MASP2: variants seen among roughly 807,000 people sequenced by gnomAD.
MASP2 encodes MBL associated serine protease 2.
In MASP2, 49 loss-of-function variants were observed where a neutral mutation model predicts 57.1. The observed-to-expected ratio is 0.86, with a 90% CI of 0.68 to 1.09. MASP2 has a LOEUF of 1.09. Ranked by LOEUF, MASP2 falls within the 50% of genes least tolerant of loss-of-function variation. The pLI is 0.00. For synonymous variants in MASP2, 379 were observed against 340.8 expected, an observed-to-expected ratio of 1.11 and a Z score of -1.24; for missense variants, 900 against 874.8, an observed-to-expected ratio of 1.03 and a Z score of -0.36.
chr1:11,045,172 A>AG (rs986378941), intron 4 of MASP2: 1 of 762,080 alleles, frequency 1.3e-6, no homozygotes, highest in Non-Finnish European at 2.3e-6. Context: ...AGGTGGAACC[A>AG]GGTACACAGT....
chr1:11,027,309 C>T lies in MASP2; in HGVS notation c.1637G>A (p.Ser546Asn). The change falls in exon 11 of 11, where the codon AGC becomes AAC. Residue 546 changes from serine (S) to asparagine (N), a missense_variant. Physicochemically the swap from Ser to Asn is conservative, Grantham distance 46. Coordinates refer to ENST00000400897, the MANE Select transcript of MASP2 (RefSeq NM_006610.4). ...TGGCAGACAAATAGGCGTGATGTTGCTATTGATTACAACTTTGTTATTCAA... is the reference window on the plus strand; with the variant it reads ...TGGCAGACAAATAGGCGTGATGTTGTTATTGATTACAACTTTGTTATTCAA... ...IKLNNKVVIN[S>N]NITPICLPRK... 1.2e-6 allele frequency: 2 copies of T among 1,613,924 alleles called. No individual in the cohort carries two copies. Among genetic ancestry groups the T allele is most frequent in the African/African-American group, 1.3e-5 (1 of 75,032 alleles).
In MASP2 at chr1:11,047,010, A is replaced by C. The variant is rs1217478136; in HGVS notation, c.115T>G (p.Tyr39Asp). The C allele has an allele frequency of 1.9e-6, 3 of 1,552,506 alleles. No individual in the cohort carries two copies. The highest frequency in any genetic ancestry group is 2.6e-6 in the Non-Finnish European group (3 of 1,147,850). The change falls in exon 2 of 11, where the codon TAT becomes GAT. Residue 39 changes from tyrosine to aspartate, a missense_variant. Transcript: ENST00000400897. ...RLASPGFPGE[Y>D]ANDQERRWTL... The stretch of plus-strand genomic sequence containing the variant: ...CAGCGCCGCTCCTGGTCATTGGCAT[A>C]CTCCCCTGGAAAGCCGGGGGATGCC...
At chr1:11,036,631 T>C (rs539724169) in intron 7 of MASP2, among the ~76,000 whole-genome samples, 1,762 of 135,792 alleles carry the variant, frequency 0.013, 32 homozygotes, top group African/African-American at 0.046. Flanking sequence ...GTGTCTCTCT[T>C]TTTTTTTTTT....
intron 7 of MASP2, 80 bp from the exon 8 acceptor site, chr1:11,034,986 TC>T: frequency 1.1e-6 from 1 of 912,720 alleles, no homozygotes; most frequent in Non-Finnish European, 1.7e-6. Flanking sequence ...TCACAGCAGT[TC>T]CTATTCTAGT....
At chr1:11,027,797 G>T in intron 10 of MASP2, 149 bp from the exon 11 acceptor site, 3 of 736,106 alleles carry the variant, frequency 4.1e-6, no homozygotes, top group South Asian at 4.0e-5. Context: ...AGGCAAGTGA[G>T]GCTATTTTAA....
Position 11,043,551 on chromosome 1 carries a change from G to A in MASP2, c.545-16C>T. On this transcript the variant is annotated splice_polypyrimidine_tract_variant and intron_variant, in intron 4 of 10. Transcript: ENST00000400897. Reference sequence around the variant, plus strand: ...GAGCACAGGGCTGGAAGGAGGGAAGGCAGGGGAGTGACTTGGCGTGCCCTC... The same window carrying A: ...GAGCACAGGGCTGGAAGGAGGGAAGACAGGGGAGTGACTTGGCGTGCCCTC... The A allele has an allele frequency of 6.3e-7, 1 of 1,577,144 alleles. No homozygotes were observed. The highest frequency in any genetic ancestry group is 8.6e-7 in the Non-Finnish European group (1 of 1,160,540).
At chr1:11,045,600 A>T in intron 3 of MASP2, 61 bp from the exon 4 acceptor site, 1 of 1,525,076 alleles carries the variant, frequency 6.6e-7, no homozygotes, top group Non-Finnish European at 8.8e-7. Context: ...TCCAGCCTGG[A>T]CTCCTCCCAG....
At position 11,027,630 on chromosome 1, in the gene MASP2, C is replaced by T. The variant is rs12085877; in HGVS notation, c.1316G>A (p.Arg439His). 5.2e-3 allele frequency: 8,322 copies of T among 1,610,136 alleles called. 375 individuals are homozygous for T. The African/African-American group carries it at 0.098, about 19-fold the overall frequency. The change falls in exon 11 of 11, where the codon CGC (arginine) becomes CAC (histidine). Residue 439 changes from arginine (R) to histidine (H), a missense_variant. By Grantham distance (29) the Arg-to-His change is conservative. Transcript: ENST00000400897. ...TCCATATATACGCCCTCCTGTTGTG[C>T]GGGCTGATAGTCCACAAACTGGAGA... Reference protein sequence around the residue: ...VCEPVCGLSARTTGGRIYGGQ... With the variant: ...VCEPVCGLSAHTTGGRIYGGQ...
intron 6 of MASP2, among the ~76,000 whole-genome samples, chr1:11,039,479 AC>A (rs1316938327): frequency 6.6e-6 from 1 of 151,808 alleles, no homozygotes; most frequent in Non-Finnish European, 1.5e-5. Flanking sequence ...GGGTGGATGG[AC>A]AGATGAATGG....
chr1:11,035,270 T>A (rs572925594), intron 7 of MASP2, among the ~76,000 whole-genome samples: 86 of 152,226 alleles, frequency 5.6e-4, no homozygotes, highest in African/African-American at 2.0e-3. Context: ...ATGCCTGTAA[T>A]CCCGACACTC....
chr1:11,044,761 T>TACCCC, intron 4 of MASP2: 10 of 1,313,600 alleles, frequency 7.6e-6, no homozygotes, highest in African/African-American at 1.5e-5. Context: ...CCCCGCCGCC[T>TACCCC]CCCGACCCTC....
In MASP2 at chr1:11,027,608, A is replaced by G. The variant is rs1343944795; in HGVS notation, c.1338T>C (p.Tyr446=). 1.2e-6 allele frequency: 2 copies of G among 1,614,080 alleles called. No individual in the cohort carries two copies. Among genetic ancestry groups the G allele is most frequent in the Middle Eastern group, 1.6e-4 (1 of 6,062 alleles). ...CACCAGGTTTTGCCTTTTGCCCTCCATATATACGCCCTCCTGTTGTGCGGG... is the reference window on the plus strand; with the variant it reads ...CACCAGGTTTTGCCTTTTGCCCTCCGTATATACGCCCTCCTGTTGTGCGGG... ...LSARTTGGRI[Y]GGQKAKPGDF... is the part of the protein sequence containing the mutation. The change falls in exon 11 of 11, where the codon TAT becomes TAC. Residue 446 remains tyrosine, a synonymous_variant. Transcript: ENST00000400897.
intron 10 of MASP2, among the ~76,000 whole-genome samples, chr1:11,029,441 A>G (rs1643802634): frequency 6.6e-6 from 1 of 151,506 alleles, no homozygotes; most frequent in South Asian, 2.1e-4. Flanking sequence ...TTATCTTTGG[A>G]GCCAATTCTG....
Position 11,026,817 on chromosome 1 carries a change from C to T in MASP2, c.*68G>A. On this transcript the variant is annotated 3_prime_UTR_variant, in exon 11 of 11. Transcript: ENST00000400897. ...ACAGTAATGATGAATGCTTCTCGAGCCACGTCGCTGCCAAGGTCTTCACAG... is the reference window on the plus strand; with the variant it reads ...ACAGTAATGATGAATGCTTCTCGAGTCACGTCGCTGCCAAGGTCTTCACAG... The T allele has an allele frequency of 7.4e-7, 1 of 1,356,862 alleles. No individual in the cohort carries two copies. Among genetic ancestry groups the T allele is most frequent in the East Asian group, 2.6e-5 (1 of 38,990 alleles). The allele number at this position is 1,356,862 out of a possible 1,614,324, so 84.1% of individuals were successfully genotyped here. A position where few individuals can be genotyped will look rare whatever the true frequency, so the allele number is the denominator to read the frequency against.
chr1:11,027,523 C>CAT lies in MASP2; in HGVS notation c.1421_1422dup (p.Asp475MetfsTer6). ...TGAGCAGCTGTTAGGACCCAGTTGT[C>CAT]ATATAAAAGTGCACCTGCTGCTGTG... On this transcript the variant is annotated frameshift_variant, in exon 11 of 11. Coordinates refer to ENST00000400897, the MANE Select transcript of MASP2 (RefSeq NM_006610.4). LOFTEE classifies it low-confidence loss of function (END_TRUNC). The CAT allele has an allele frequency of 6.2e-7, 1 of 1,614,162 alleles. No homozygotes were observed. Among genetic ancestry groups the CAT allele is most frequent in the Non-Finnish European group, 8.5e-7 (1 of 1,180,038 alleles).
chr1:11,041,403 A>AGTGGATGG (rs1440409633), intron 6 of MASP2, among the ~76,000 whole-genome samples: 1 of 26,294 alleles, frequency 3.8e-5, no homozygotes, highest in Non-Finnish European at 8.6e-5. Flanking sequence ...TGGATGGATG[A>AGTGGATGG]GTGGATGGAT....
Position 11,027,035 on chromosome 1 carries a change from C to T in MASP2, c.1911G>A (p.Leu637=), listed in dbSNP as rs764474017. ...DSCRGDSGGA[L]VFLDSETERW... is the part of the protein sequence containing the mutation. ...TCTCTGTTTCACTATCTAGAAACACCAGTGCCCCTCCGCTGTCACCTCTGC... is the reference window on the plus strand; with the variant it reads ...TCTCTGTTTCACTATCTAGAAACACTAGTGCCCCTCCGCTGTCACCTCTGC... Residue 637 remains leucine (L), a synonymous_variant, in exon 11 of 11, where the codon CTG becomes CTA. Coordinates refer to ENST00000400897, the MANE Select transcript of MASP2 (RefSeq NM_006610.4). 6.3e-7 allele frequency: 1 copy of T among 1,596,266 alleles called. No homozygotes were observed. Among genetic ancestry groups the T allele is most frequent in the Non-Finnish European group, 8.5e-7 (1 of 1,171,464 alleles).
chr1:11,045,123 C>T (rs1638587098), intron 4 of MASP2: 6 of 747,956 alleles, frequency 8.0e-6, no homozygotes, highest in Admixed American at 4.4e-5. Context: ...CTAGATACCC[C>T]CGACTCTCCC....
intron 4 of MASP2, chr1:11,044,849 G>A (rs1638577824): frequency 6.4e-7 from 1 of 1,556,522 alleles, no homozygotes; most frequent in Non-Finnish European, 8.7e-7. Flanking sequence ...ATGGGAGTTG[G>A]GGCACAGCCA....
Sources: gnomAD v4.1 joint callset for allele counts (sites outside exome capture counted in the v4.1 genomes callset) on GRCh38, gnomAD v4.1.1 for gene constraint, MANE v1.5 for transcripts, NCBI Gene and HGNC (gene_info 2026-07-23, HGNC 2026-07-21) for gene names.